SLC12A2: variants seen among roughly 807,000 people sequenced by gnomAD.
SLC12A2 encodes the protein Na-K-2Cl cotransporter 1.
In SLC12A2, 67 loss-of-function variants were observed where a neutral mutation model predicts 136.3. That is an observed-to-expected ratio of 0.49 (90% CI 0.40 to 0.60). The LOEUF is 0.60. Among genes scored for constraint, SLC12A2 ranks in the 20% least tolerant of loss-of-function variants. The probability of loss-of-function intolerance (pLI) is 0.00; values close to 1 mark genes in which losing one functional copy is unlikely to be tolerated. For missense variants in SLC12A2, 1,322 were observed against 1,534.7 expected (o/e 0.86, Z 2.32); for synonymous variants, 619 against 562.9 (o/e 1.10, Z -1.41).
chr5:128,147,934 T>G (rs774058980), intron 11 of SLC12A2, among the ~76,000 whole-genome samples: 22 of 151,634 alleles, frequency 1.5e-4, no homozygotes, highest in Non-Finnish European at 2.8e-4. Context: ...GTGCATTTGC[T>G]GTTAAGGTAT....
chr5:128,127,730 A>G (rs1049494467), intron 4 of SLC12A2, among the ~76,000 whole-genome samples: 5 of 151,934 alleles, frequency 3.3e-5, no homozygotes, highest in African/African-American at 7.3e-5. Context: ...GTCATTTAAT[A>G]TATTACCTTC....
intron 4 of SLC12A2, among the ~76,000 whole-genome samples, chr5:128,118,862 G>A (rs2126678262): frequency 6.6e-6 from 1 of 152,220 alleles, no homozygotes; most frequent in East Asian, 1.9e-4. Flanking sequence ...AATATCCAGA[G>A]GAGAGAGGAA....
Position 128,138,624 on chromosome 5 carries a change from C to T in SLC12A2, c.1436C>T (p.Pro479Leu). Residue 479 changes from proline to leucine, a missense_variant, in exon 8 of 27, where the codon CCC becomes CTC. By Grantham distance (98) the Pro-to-Leu change is moderately conservative (BLOSUM62 -3). This residue lies in a region of SLC12A2 where 110 missense variants were observed against 114.5 expected (regional missense o/e 0.96). Transcript: ENST00000262461. ...KSEIFNENFG[P>L]DFREEETFFS... ...GAAATATTTAATGAGAACTTTGGGC[C>T]CGATTTTCGAGAGGAAGAGACTTTC... is the stretch of plus-strand genomic sequence containing the variant. 2 of 1,611,188 alleles carry T rather than the reference C, an allele frequency of 1.2e-6. No individual in the cohort carries two copies. Among genetic ancestry groups the T allele is most frequent in the Non-Finnish European group, 1.7e-6 (2 of 1,179,228 alleles).
In SLC12A2 at chr5:128,151,245, G is replaced by A; in HGVS notation, c.2112G>A (p.Trp704Ter). The change falls in exon 14 of 27, where the codon TGG becomes TGA. Residue 704 changes from tryptophan (W) to a stop codon, truncating the protein, a stop_gained. Transcript: ENST00000262461. LOFTEE classifies it high-confidence loss of function. The part of the protein sequence containing the change: ...FHASLAKSPG[W>*]RPAFKYYNMW... ...TTATTTATTTGTTATTGTTAGGATG[G>A]CGTCCTGCATTCAAATACTACAACA... is the stretch of plus-strand genomic sequence containing the variant. 1 of 1,603,210 alleles carries A rather than the reference G, an allele frequency of 6.2e-7. No individual in the cohort carries two copies. The highest frequency in any genetic ancestry group is 8.5e-7 in the Non-Finnish European group (1 of 1,175,760).
intron 4 of SLC12A2, among the ~76,000 whole-genome samples, chr5:128,115,380 C>T (rs1327003550): frequency 2.0e-5 from 3 of 152,178 alleles, no homozygotes; most frequent in Admixed American, 6.5e-5. Context: ...CTGCCTTGAC[C>T]TCCCAAAGTG....
intron 1 of SLC12A2, among the ~76,000 whole-genome samples, chr5:128,088,955 G>A (rs1297016152): frequency 1.3e-5 from 2 of 152,054 alleles, no homozygotes; most frequent in African/African-American, 4.8e-5. Context: ...GATCACCTGA[G>A]GTCAGAAGTT....
chr5:128,161,886 A>G, intron 17 of SLC12A2, 86 bp downstream of exon 17: 7 of 950,052 alleles, frequency 7.4e-6, no homozygotes, highest in Admixed American at 3.7e-5. Context: ...TTCATTCTTC[A>G]TACTAATAAA....
At chr5:128,168,331 T>C (rs1763268057) in intron 18 of SLC12A2, 1 of 152,304 alleles carries the variant, frequency 6.6e-6, no homozygotes, top group African/African-American at 2.4e-5. Flanking sequence ...CATTAAGTTA[T>C]TTACATTTCT....
intron 4 of SLC12A2, among the ~76,000 whole-genome samples, chr5:128,120,982 A>G (rs1015218505): frequency 6.6e-5 from 10 of 152,294 alleles, no homozygotes; most frequent in African/African-American, 1.7e-4. Context: ...ATAATGTTTT[A>G]TTCTTATCTT....
intron 15 of SLC12A2, among the ~76,000 whole-genome samples, chr5:128,153,536 C>T (rs1762775294): frequency 6.6e-6 from 1 of 152,148 alleles, no homozygotes; most frequent in Admixed American, 6.5e-5. Flanking sequence ...GCCTAGGCAA[C>T]AGAGCGAGAC....
chr5:128,182,917 T>A lies in SLC12A2; in HGVS notation c.3275T>A (p.Ile1092Asn). The change falls in exon 24 of 27, where the codon ATC (isoleucine) becomes AAC (asparagine). Residue 1092 changes from isoleucine (I) to asparagine (N), a missense_variant. Physicochemically the swap from Ile to Asn is moderately radical, Grantham distance 149. Coordinates refer to ENST00000262461, the MANE Select transcript of SLC12A2 (RefSeq NM_001046.3). The part of the protein sequence containing the change: ...DFSDIMVLGD[I>N]NTKPKKENII... ...TCTGATATCATGGTTCTAGGAGATA[T>A]CAATACCAAACCAAAGAAAGAAAAG... 1.2e-6 allele frequency: 2 copies of A among 1,609,376 alleles called. No homozygotes were observed. The highest frequency in any genetic ancestry group is 1.1e-5 in the South Asian group (1 of 90,340).
chr5:128,144,605 A>C (rs375891303), intron 10 of SLC12A2, among the ~76,000 whole-genome samples: 31 of 152,194 alleles, frequency 2.0e-4, no homozygotes, highest in African/African-American at 7.5e-4. Flanking sequence ...TGCAATCTTT[A>C]GTCTAAATCA....
intron 1 of SLC12A2, among the ~76,000 whole-genome samples, chr5:128,086,097 A>G (rs1036095355): frequency 2.0e-5 from 3 of 152,208 alleles, no homozygotes; most frequent in Non-Finnish European, 4.4e-5. Flanking sequence ...TAATGAAAAT[A>G]TTATACAGAT....
At chr5:128,175,247 G>T (rs982775152) in intron 20 of SLC12A2, among the ~76,000 whole-genome samples, 2 of 151,882 alleles carry the variant, frequency 1.3e-5, no homozygotes, top group African/African-American at 4.8e-5. Flanking sequence ...TGTAACCTTG[G>T]ACCAATCATG....
intron 1 of SLC12A2, among the ~76,000 whole-genome samples, chr5:128,093,263 G>A (rs552585882): frequency 2.0e-5 from 3 of 152,048 alleles, no homozygotes; most frequent in Admixed American, 6.6e-5. Flanking sequence ...TTTCAGCCTC[G>A]CATCCTTTGC....
At chr5:128,108,088 A>G (rs1204309325) in intron 1 of SLC12A2, among the ~76,000 whole-genome samples, 3 of 152,044 alleles carry the variant, frequency 2.0e-5, no homozygotes, top group Non-Finnish European at 4.4e-5. Flanking sequence ...ACTTCTAACA[A>G]GTTTAACCGT....
intron 4 of SLC12A2, among the ~76,000 whole-genome samples, chr5:128,121,454 C>G (rs982217471): frequency 2.0e-5 from 3 of 152,004 alleles, no homozygotes; most frequent in African/African-American, 7.3e-5. Flanking sequence ...TCCCGAGTAG[C>G]TGGGACTACA....
intron 7 of SLC12A2, 117 bp from the exon 8 acceptor site, chr5:128,138,480 A>T: frequency 1.2e-6 from 1 of 863,642 alleles, no homozygotes; most frequent in Non-Finnish European, 1.8e-6. Context: ...GCAAAAATTT[A>T]CTCGTTACTT....
At chr5:128,104,653 A>C (rs182577470) in intron 1 of SLC12A2, among the ~76,000 whole-genome samples, 305 of 135,784 alleles carry the variant, frequency 2.2e-3, no homozygotes, top group Non-Finnish European at 3.7e-3. Context: ...AAAAAAATAT[A>C]TATATATAGA....
Sources: allele counts gnomAD v4.1 joint callset (sites outside exome capture counted in the v4.1 genomes callset), GRCh38; gene constraint gnomAD v4.1.1; regional missense constraint gnomAD v4.1.1; transcripts MANE v1.5; gene names NCBI Gene and HGNC (gene_info 2026-07-23, HGNC 2026-07-21).